SLC25A24: variants seen among roughly 807,000 people sequenced by gnomAD.
The protein encoded by SLC25A24 is mitochondrial adenyl nucleotide antiporter SLC25A24.
Under a neutral mutation model 60.7 loss-of-function variants are expected in SLC25A24, and 49 were observed. The ratio of observed to expected loss-of-function variants is 0.81; its 90% CI spans 0.64 to 1.02. The LOEUF (loss-of-function observed/expected upper bound fraction) is 1.02. SLC25A24 is among the 50% of genes least tolerant of loss of function. The probability of loss-of-function intolerance (pLI) is 0.00; values close to 1 mark genes in which losing one functional copy is unlikely to be tolerated. For synonymous variants in SLC25A24, 202 were observed against 200.6 expected (o/e 1.01, Z -0.06); for missense variants, 564 against 586.3 (o/e 0.96, Z 0.39).
Position 108,158,768 on chromosome 1 carries a change from G to A in SLC25A24, c.511-1148C>T, listed in dbSNP as rs188778366. The stretch of plus-strand genomic sequence containing the variant: ...CTGTAATCCCAGCACTTTGGGAGGC[G>A]AGGCGGGCGGATTACAAGGTCAGGA... On this transcript the variant is annotated intron_variant, in intron 4 of 9. Transcript: ENST00000565488. Among the ~76,000 whole-genome samples the A allele has an allele frequency of 4.4e-4, 66 of 150,780 alleles. 1 individual carries two copies. The East Asian group carries it at 6.2e-3, about 14-fold the overall frequency.
At chr1:108,155,286 T>C in intron 5 of SLC25A24, 151 bp from the exon 6 acceptor site, 1 of 701,610 alleles carries the variant, frequency 1.4e-6, no homozygotes, top group East Asian at 2.9e-5. Context: ...ATATATATAA[T>C]GATGAGAGGG....
intron 3 of SLC25A24, among the ~76,000 whole-genome samples, chr1:108,163,668 T>C (rs903614160): frequency 5.9e-5 from 9 of 151,738 alleles, no homozygotes; most frequent in Non-Finnish European, 1.2e-4. Flanking sequence ...CTGAAGTTGC[T>C]TATCAGCTTA....
At chr1:108,195,963 G>A (rs972222453) in intron 1 of SLC25A24, among the ~76,000 whole-genome samples, 5 of 148,614 alleles carry the variant, frequency 3.4e-5, no homozygotes, top group African/African-American at 1.3e-4. Context: ...TCGCACCACT[G>A]CACTCCAGCC....
intron 3 of SLC25A24, among the ~76,000 whole-genome samples, chr1:108,173,863 G>A (rs560250296): frequency 6.6e-6 from 1 of 152,280 alleles, no homozygotes; most frequent in South Asian, 2.1e-4. Context: ...GATGACTCTT[G>A]TTATGCTATA....
Position 108,192,701 on chromosome 1 carries a change from C to T in SLC25A24, c.184-6747G>A. The T allele has an allele frequency of 1.4e-6, 2 of 1,445,386 alleles. 1 individual carries two copies. The highest frequency in any genetic ancestry group is 2.8e-5 in the South Asian group (2 of 72,508). 89.5% of individuals were successfully genotyped at this position (1,445,386 alleles called of 1,614,324 possible). A position where few individuals can be genotyped will look rare whatever the true frequency, so the allele number is the denominator to read the frequency against. On this transcript the variant is annotated intron_variant, in intron 1 of 9. Coordinates refer to ENST00000565488, the MANE Select transcript of SLC25A24 (RefSeq NM_013386.5). ...GTGCGACCGACGAACGGGATCTCTGCCCACCACACACGTCCAGTGGGAAGA... is the reference window on the plus strand; with the variant it reads ...GTGCGACCGACGAACGGGATCTCTGTCCACCACACACGTCCAGTGGGAAGA...
intron 3 of SLC25A24, among the ~76,000 whole-genome samples, chr1:108,167,444 C>T (rs1021326594): frequency 3.3e-5 from 5 of 152,216 alleles, no homozygotes; most frequent in African/African-American, 1.2e-4. Flanking sequence ...ATCAGCGAGA[C>T]TCCGTGGGTG....
chr1:108,195,964 C>T (rs1205843875), intron 1 of SLC25A24, among the ~76,000 whole-genome samples: 1 of 149,584 alleles, frequency 6.7e-6, no homozygotes, highest in Non-Finnish European at 1.5e-5. Flanking sequence ...CGCACCACTG[C>T]ACTCCAGCCT....
rs760817886 is a variant in SLC25A24 at position 108,157,503 on chromosome 1, T to C, written c.628A>G (p.Thr210Ala). The change falls in exon 5 of 10, where the codon ACA becomes GCA. Residue 210 changes from threonine (T) to alanine (A), a missense_variant. Coordinates refer to ENST00000565488, the MANE Select transcript of SLC25A24 (RefSeq NM_013386.5). ...AGGIAGAVSR[T>A]STAPLDRLKI... The stretch of plus-strand genomic sequence containing the variant: ...AGACGGTCCAAAGGGGCAGTGCTTG[T>C]TCGAGAGACAGCACCAGCAATGCCT... 7.4e-6 allele frequency: 12 copies of C among 1,614,180 alleles called. No homozygotes were observed. In the East Asian group the frequency reaches 2.0e-4, roughly 27 times the overall value.
chr1:108,142,532 C>G (rs553612289), intron 8 of SLC25A24, among the ~76,000 whole-genome samples: 1 of 152,276 alleles, frequency 6.6e-6, no homozygotes, highest in African/African-American at 2.4e-5. Flanking sequence ...AAGAAAAATA[C>G]TGTATGATTC....
At position 108,135,452 on chromosome 1, in the gene SLC25A24, A is replaced by C. The variant is rs1392748317; in HGVS notation, c.*1201T>G. On this transcript the variant is annotated 3_prime_UTR_variant, in exon 10 of 10. Coordinates refer to ENST00000565488, the MANE Select transcript of SLC25A24 (RefSeq NM_013386.5). The stretch of plus-strand genomic sequence containing the variant: ...AAATATTTTTCTAAGTTCTAATCAC[A>C]CAAATAAGAAAAGATAGTTGACTAT... The C allele has an allele frequency of 1.3e-5, 2 of 152,536 alleles. No homozygotes were observed. The highest frequency in any genetic ancestry group is 2.9e-5 in the Non-Finnish European group (2 of 68,018). 9.4% of individuals were successfully genotyped at this position (152,536 alleles called of 1,614,324 possible).
chr1:108,145,901 ATATGAAATT>A (rs1343107454), intron 7 of SLC25A24, among the ~76,000 whole-genome samples: 1 of 152,108 alleles, frequency 6.6e-6, no homozygotes, highest in East Asian at 1.9e-4. Context: ...TTTTAGTTTC[ATATGAAATT>A]TAAGGTAGTT....
chr1:108,151,685 A>G (rs1328286892), intron 6 of SLC25A24, among the ~76,000 whole-genome samples: 2 of 152,090 alleles, frequency 1.3e-5, no homozygotes, highest in Non-Finnish European at 2.9e-5. Context: ...GCCCATTCCA[A>G]TGGCTCAACT....
In SLC25A24 at chr1:108,148,350, C is replaced by G. The variant is rs1165154075; in HGVS notation, c.859G>C (p.Gly287Arg). The change falls in exon 7 of 10, where the codon GGA (glycine) becomes CGA (arginine). Residue 287 changes from glycine (G) to arginine (R), a missense_variant. Physicochemically the swap from Gly to Arg is moderately radical, Grantham distance 125 (BLOSUM62 -2). Coordinates refer to ENST00000565488, the MANE Select transcript of SLC25A24 (RefSeq NM_013386.5). ...CCAGAAATAAATCTCTCAAATGTTC[C>G]TATTTTTTGTCCTTCTTCAGTAAGT... is the stretch of plus-strand genomic sequence containing the variant. ...KLLTEEGQKI[G>R]TFERFISGSM... The G allele has an allele frequency of 6.2e-7, 1 of 1,612,942 alleles. No individual in the cohort carries two copies.
At chr1:108,151,993 G>A (rs1679768720) in intron 6 of SLC25A24, among the ~76,000 whole-genome samples, 1 of 151,932 alleles carries the variant, frequency 6.6e-6, no homozygotes, top group Admixed American at 6.6e-5. Flanking sequence ...ACCTTATACT[G>A]GTGTTCATCA....
Position 108,185,859 on chromosome 1 carries a change from C to T in SLC25A24, c.279G>A (p.Leu93=). The stretch of plus-strand genomic sequence containing the variant: ...TATTTTTGTCTAAACTCTTAAATGC[C>T]AATTTCATTTTCTTCTCATGGTCTT... ...YLKDHEKKMK[L]AFKSLDKNND... The change falls in exon 2 of 10, where the codon TTG becomes TTA. Residue 93 remains leucine, a synonymous_variant. Coordinates refer to ENST00000565488, the MANE Select transcript of SLC25A24 (RefSeq NM_013386.5). 1.3e-6 allele frequency: 2 copies of T among 1,590,100 alleles called. No homozygotes were observed. The highest frequency in any genetic ancestry group is 1.7e-6 in the Non-Finnish European group (2 of 1,163,730).
In SLC25A24 at chr1:108,161,170, A is replaced by C; in HGVS notation, c.510+12T>G. The C allele has an allele frequency of 7.5e-7, 1 of 1,336,812 alleles. No homozygotes were observed. The highest frequency in any genetic ancestry group is 1.1e-6 in the Non-Finnish European group (1 of 929,824). The allele number at this position is 1,336,812 out of a possible 1,614,324, so 82.8% of individuals were successfully genotyped here. On this transcript the variant is annotated intron_variant, in intron 4 of 9. Transcript: ENST00000565488. ...AGCTCCAAATAAGTATAAATACATA[A>C]AGTAGACTTACTGTAGAATGTTTCC...
chr1:108,161,433 G>C lies in SLC25A24; in HGVS notation c.399-140C>G, dbSNP rs540330123. 11 of 601,244 alleles carry C rather than the reference G, an allele frequency of 1.8e-5. No individual in the cohort carries two copies. In the African/African-American group the frequency reaches 2.1e-4, roughly 12 times the overall value. 37.2% of individuals were successfully genotyped at this position (601,244 alleles called of 1,614,324 possible). A position where few individuals can be genotyped will look rare whatever the true frequency, so the allele number is the denominator to read the frequency against. ...TAAAAAACCCCATCCACAAATATAG[G>C]TTGTTGGAAATGGCAGCAAGCATTT... On this transcript the variant is annotated intron_variant, in intron 3 of 9. Coordinates refer to ENST00000565488, the MANE Select transcript of SLC25A24 (RefSeq NM_013386.5).
chr1:108,160,276 A>G (rs1483537522), intron 4 of SLC25A24, among the ~76,000 whole-genome samples: 2 of 139,740 alleles, frequency 1.4e-5, no homozygotes, highest in African/African-American at 5.5e-5. Context: ...ATCTCAGACG[A>G]TGGGCGGCCG....
chr1:108,185,201 T>C (rs1448384901), intron 2 of SLC25A24, among the ~76,000 whole-genome samples: 3 of 152,210 alleles, frequency 2.0e-5, no homozygotes, highest in African/African-American at 7.2e-5. Context: ...TAAATTTCAT[T>C]TCTTCATAAA....
Sources: gnomAD v4.1 joint callset for allele counts (sites outside exome capture counted in the v4.1 genomes callset) on GRCh38, gnomAD v4.1.1 for gene constraint, MANE v1.5 for transcripts, NCBI Gene and HGNC (gene_info 2026-07-23, HGNC 2026-07-21) for gene names.